DMRT1: variants seen among roughly 807,000 people sequenced by gnomAD.
The protein encoded by DMRT1 is doublesex- and mab-3-related transcription factor 1.
In DMRT1, 7 loss-of-function variants were observed where a neutral mutation model predicts 32.3. That is an observed-to-expected ratio of 0.22 (90% confidence interval 0.12 to 0.41). The LOEUF (loss-of-function observed/expected upper bound fraction) is 0.41. Ranked by LOEUF, DMRT1 falls within the 10% of genes least tolerant of loss-of-function variation. The probability of loss-of-function intolerance (pLI) is 1.00; values close to 1 mark genes in which losing one functional copy is unlikely to be tolerated. For synonymous variants in DMRT1, 278 were observed against 206.1 expected, an observed-to-expected ratio of 1.35 and a Z score of -2.99; for missense variants, 625 against 500.5, an observed-to-expected ratio of 1.25 and a Z score of -2.37.
At chr9:842,297 C>G in intron 1 of DMRT1, 105 bp downstream of exon 1, 1 of 1,402,110 alleles carries the variant, frequency 7.1e-7, no homozygotes, top group South Asian at 1.4e-5. Flanking sequence ...TGTAGTGGCG[C>G]GATCTTGGCT....
intron 4 of DMRT1, among the ~76,000 whole-genome samples, chr9:963,728 C>T (rs1483716458): frequency 1.3e-5 from 2 of 152,234 alleles, no homozygotes; most frequent in African/African-American, 4.8e-5. Flanking sequence ...AGAAGGGCAG[C>T]AGTTCCACTC....
At chr9:880,864 A>G (rs369948626) in intron 2 of DMRT1, among the ~76,000 whole-genome samples, 1 of 152,136 alleles carries the variant, frequency 6.6e-6, no homozygotes, top group East Asian at 1.9e-4. Context: ...GGCAAATTAC[A>G]TCTTTATGTT....
At chr9:846,923 G>A in intron 1 of DMRT1, 37 bp from the exon 2 acceptor site, 1 of 1,613,534 alleles carries the variant, frequency 6.2e-7, no homozygotes, top group Non-Finnish European at 8.5e-7. Context: ...GCTGATTCTG[G>A]AGTGCTGGAG....
intron 2 of DMRT1, among the ~76,000 whole-genome samples, chr9:864,031 G>C (rs1815848196): frequency 6.6e-6 from 1 of 152,004 alleles, no homozygotes; most frequent in Non-Finnish European, 1.5e-5. Context: ...GGGGTGATAA[G>C]AGTCCCAGGA....
intron 2 of DMRT1, among the ~76,000 whole-genome samples, chr9:862,249 C>T (rs1032306517): frequency 4.6e-5 from 7 of 152,236 alleles, no homozygotes; most frequent in South Asian, 2.1e-4. Flanking sequence ...TCTGCACTCC[C>T]GGCACCTCGG....
intron 2 of DMRT1, among the ~76,000 whole-genome samples, chr9:869,585 G>A (rs189076382): frequency 6.6e-6 from 1 of 151,886 alleles, no homozygotes; most frequent in Non-Finnish European, 1.5e-5. Flanking sequence ...TTCTCCCAAG[G>A]TCTCCTATCT....
chr9:855,251 T>C lies in DMRT1; in HGVS notation c.538+8108T>C, dbSNP rs59011838. Reference sequence around the variant, plus strand: ...TAGGAAGTAACCTACTTGTCTACCTTTGACTAGAAAGGAAATTTAGAAAAC... The same window carrying C: ...TAGGAAGTAACCTACTTGTCTACCTCTGACTAGAAAGGAAATTTAGAAAAC... On this transcript the variant is annotated intron_variant, in intron 2 of 4. Coordinates refer to ENST00000382276, the MANE Select transcript of DMRT1 (RefSeq NM_021951.3). 9.9e-4 allele frequency among the ~76,000 whole-genome samples: 150 copies of C among 151,986 alleles called. 1 individual carries two copies. The highest frequency in any genetic ancestry group is 3.5e-3 in the African/African-American group (146 of 41,458).
intron 3 of DMRT1, among the ~76,000 whole-genome samples, chr9:897,702 T>A (rs10119587): frequency 1.3e-5 from 2 of 152,098 alleles, no homozygotes; most frequent in Non-Finnish European, 2.9e-5. Flanking sequence ...GTTTGTTCAT[T>A]ATAACTGTCT....
intron 2 of DMRT1, among the ~76,000 whole-genome samples, chr9:882,811 G>A (rs1321793311): frequency 1.7e-5 from 2 of 121,070 alleles, no homozygotes; most frequent in Non-Finnish European, 3.2e-5. Context: ...TCACTCTGTT[G>A]CCCAGGCTGG....
At chr9:871,385 T>G (rs1589478581) in intron 2 of DMRT1, among the ~76,000 whole-genome samples, 2 of 149,470 alleles carry the variant, frequency 1.3e-5, no homozygotes, top group African/African-American at 2.5e-5. Context: ...CAGGCTGGAG[T>G]GCAGTGGCAC....
At chr9:886,582 T>C (rs1816939749) in intron 2 of DMRT1, among the ~76,000 whole-genome samples, 1 of 152,136 alleles carries the variant, frequency 6.6e-6, no homozygotes, top group Non-Finnish European at 1.5e-5. Context: ...CTGTGACTTT[T>C]TTTTTTCCTG....
intron 2 of DMRT1, among the ~76,000 whole-genome samples, chr9:855,477 G>C (rs1403414272): frequency 2.6e-5 from 4 of 152,192 alleles, no homozygotes; most frequent in Non-Finnish European, 5.9e-5. Context: ...ATAAACCATT[G>C]CTGAATGAAT....
At chr9:845,912 A>G (rs1188737419) in intron 1 of DMRT1, among the ~76,000 whole-genome samples, 3 of 152,164 alleles carry the variant, frequency 2.0e-5, no homozygotes, top group African/African-American at 7.2e-5. Flanking sequence ...AACATGTGAA[A>G]GACATTTCTC....
intron 3 of DMRT1, among the ~76,000 whole-genome samples, chr9:907,703 T>G (rs138901030): frequency 2.0e-5 from 3 of 152,332 alleles, no homozygotes; most frequent in African/African-American, 7.2e-5. Flanking sequence ...ACAAGTTTTG[T>G]AGAACAGTTC....
Position 932,951 on chromosome 9 carries a change from C to G in DMRT1, c.967+16044C>G, listed in dbSNP as rs10125383. 6.6e-3 allele frequency among the ~76,000 whole-genome samples: 1,004 copies of G among 151,734 alleles called. 7 individuals carry two copies. Among genetic ancestry groups the G allele is most frequent in the African/African-American group, 0.023 (967 of 41,344 alleles). ...TTTTTGAGACAGGGTTTTGCTCTGT[C>G]ACCCAGGCTGGAGTGCAATGGCGTG... is the stretch of plus-strand genomic sequence containing the variant. On this transcript the variant is annotated intron_variant, in intron 4 of 4. Coordinates refer to ENST00000382276, the MANE Select transcript of DMRT1 (RefSeq NM_021951.3).
chr9:945,734 T>C (rs1819219769), intron 4 of DMRT1, among the ~76,000 whole-genome samples: 2 of 145,846 alleles, frequency 1.4e-5, no homozygotes, highest in Admixed American at 6.8e-5. Context: ...TAAAAAAAAA[T>C]ACACACTTTT....
At chr9:843,724 C>A (rs1023977211) in intron 1 of DMRT1, among the ~76,000 whole-genome samples, 2 of 152,134 alleles carry the variant, frequency 1.3e-5, no homozygotes, top group African/African-American at 4.8e-5. Context: ...TGTTTGCTAA[C>A]GATGTGCTAC....
intron 4 of DMRT1, among the ~76,000 whole-genome samples, chr9:929,039 A>G (rs1818623583): frequency 6.6e-6 from 1 of 151,886 alleles, no homozygotes; most frequent in Non-Finnish European, 1.5e-5. Flanking sequence ...GGGTTTCGCT[A>G]TGTTGGCCAG....
At chr9:873,429 C>A (rs1816360493) in intron 2 of DMRT1, among the ~76,000 whole-genome samples, 1 of 152,092 alleles carries the variant, frequency 6.6e-6, no homozygotes, top group South Asian at 2.1e-4. Flanking sequence ...CCTCAGACTC[C>A]TGAGTAGCTG....
Sources: gnomAD v4.1 joint callset for allele counts (sites outside exome capture counted in the v4.1 genomes callset) on GRCh38, gnomAD v4.1.1 for gene constraint, MANE v1.5 for transcripts, NCBI Gene and HGNC (gene_info 2026-07-23, HGNC 2026-07-21) for gene names.